The following ABR variants were observed in gnomAD, a reference collection of about 807,000 sequenced individuals.
ABR encodes the protein ABR activator of RhoGEF and GTPase.
ABR carries 35 observed loss-of-function variants against 107.2 expected under a neutral mutation model. The ratio of observed to expected loss-of-function variants is 0.33; its 90% CI spans 0.25 to 0.43. The LOEUF is 0.43. Ranked by LOEUF, ABR falls within the 20% of genes least tolerant of loss-of-function variation. The pLI, the probability that ABR is intolerant of heterozygous loss-of-function variation, is 1.00. For synonymous variants in ABR, 498 were observed against 462.0 expected, an observed-to-expected ratio of 1.08 and a Z score of -1.00; for missense variants, 815 against 1,115.2, an observed-to-expected ratio of 0.73 and a Z score of 3.83.
At chr17:1,018,506 G>A (rs1041091557) in intron 16 of ABR, among the ~76,000 whole-genome samples, 3 of 152,040 alleles carry the variant, frequency 2.0e-5, no homozygotes, top group Admixed American at 6.6e-5. Context: ...CCCCTCCTCC[G>A]CCCCAGCTTC....
Position 1,009,713 on chromosome 17 carries a change from T to A in ABR, c.2308A>T (p.Ile770Phe), listed in dbSNP as rs1462501757. The change falls in exon 21 of 23, where the codon ATC becomes TTC. Residue 770 changes from isoleucine (I) to phenylalanine (F), a missense_variant. Transcript: ENST00000302538. ...LLRSLPDPNL[I>F]TFLFLLEHLK... is the part of the protein sequence containing the mutation. ...TGTTCCAGCAGGAAGAGGAAGGTGA[T>A]GAGGTTGGGGTCGGGCAGGGAGCGG... 1.2e-6 allele frequency: 2 copies of A among 1,613,862 alleles called. No individual in the cohort carries two copies. Among genetic ancestry groups the A allele is most frequent in the African/African-American group, 1.3e-5 (1 of 74,900 alleles).
upstream of ABR, among the ~76,000 whole-genome samples, chr17:1,183,084 G>T (rs1037435045): frequency 1.3e-5 from 2 of 152,162 alleles, no homozygotes; most frequent in African/African-American, 4.8e-5. Flanking sequence ...TTTGCCAAAG[G>T]TGATGCTACC....
chr17:1,213,888 G>T (rs1408916668), intron 1 of ABR, among the ~76,000 whole-genome samples: 1 of 151,872 alleles, frequency 6.6e-6, no homozygotes, highest in East Asian at 1.9e-4. Context: ...ATGTGAAATG[G>T]TTTGTTTTTT....
At chr17:1,086,933 C>T (rs1304226483) in intron 4 of ABR, among the ~76,000 whole-genome samples, 2 of 146,006 alleles carry the variant, frequency 1.4e-5, no homozygotes, top group African/African-American at 5.0e-5. Context: ...ATAGCAAGAC[C>T]TTTTTTTTTT....
intron 1 of ABR, among the ~76,000 whole-genome samples, chr17:1,223,348 C>T (rs10221270): frequency 1.3e-5 from 2 of 151,396 alleles, no homozygotes; most frequent in Non-Finnish European, 2.9e-5. Context: ...TACCCTCCAT[C>T]GTCACTCTAC....
At chr17:1,031,877 C>G (rs1384220438) in intron 16 of ABR, 7 of 1,149,268 alleles carry the variant, frequency 6.1e-6, no homozygotes, top group Non-Finnish European at 6.5e-6. Flanking sequence ...TCCCCGCGCT[C>G]CCCTCCCTCC....
At chr17:1,147,316 G>T (rs2040595117) in intron 1 of ABR, among the ~76,000 whole-genome samples, 1 of 151,808 alleles carries the variant, frequency 6.6e-6, no homozygotes, top group Admixed American at 6.6e-5. Context: ...CAGCTTGCTT[G>T]TGTTAAGTGA....
chr17:1,128,607 C>T (rs1340465874), intron 1 of ABR, among the ~76,000 whole-genome samples: 3 of 152,230 alleles, frequency 2.0e-5, no homozygotes. Context: ...CCACACTGCC[C>T]TTGTTCCTCC....
At chr17:1,094,316 C>A (rs145610597) in intron 3 of ABR, among the ~76,000 whole-genome samples, 2 of 152,038 alleles carry the variant, frequency 1.3e-5, no homozygotes, top group East Asian at 3.9e-4. Flanking sequence ...TACAGCCATG[C>A]GCTACCTACT....
upstream of ABR, among the ~76,000 whole-genome samples, chr17:1,181,442 C>A (rs563055881): frequency 1.1e-4 from 17 of 152,132 alleles, no homozygotes; most frequent in Non-Finnish European, 1.8e-4. Flanking sequence ...CCCGTCCCTG[C>A]GTCCCCAGGG....
intron 1 of ABR, among the ~76,000 whole-genome samples, chr17:1,127,755 C>T (rs2039661618): frequency 6.6e-6 from 1 of 152,110 alleles, no homozygotes; most frequent in Non-Finnish European, 1.5e-5. Context: ...GGAATGGACC[C>T]CACACACTTG....
intron 9 of ABR, among the ~76,000 whole-genome samples, chr17:1,069,045 C>T (rs924969902): frequency 6.6e-6 from 1 of 152,096 alleles, no homozygotes; most frequent in Admixed American, 6.6e-5. Flanking sequence ...CTTAAGTAGA[C>T]GATGGCACAT....
intron 1 of ABR, among the ~76,000 whole-genome samples, chr17:1,227,627 A>T (rs2043246356): frequency 6.8e-6 from 1 of 147,220 alleles, no homozygotes; most frequent in African/African-American, 2.5e-5. Flanking sequence ...TTTTGGAACA[A>T]TCCCAGCATC....
At chr17:1,052,079 A>C (rs1311675959) in intron 14 of ABR, among the ~76,000 whole-genome samples, 1 of 151,742 alleles carries the variant, frequency 6.6e-6, no homozygotes, top group East Asian at 1.9e-4. Flanking sequence ...CTCAAAAAAA[A>C]AAAAACCAAA....
exon 1 of ABR, among the ~76,000 whole-genome samples, chr17:1,229,668 C>T (rs2043300390): frequency 6.6e-6 from 1 of 152,068 alleles, no homozygotes; most frequent in South Asian, 2.1e-4. Context: ...TCCCCGCGGC[C>T]CCCGAAGAGA....
At chr17:1,123,747 CGA>C (rs1468406536) in intron 2 of ABR, among the ~76,000 whole-genome samples, 1 of 152,204 alleles carries the variant, frequency 6.6e-6, no homozygotes, top group Admixed American at 6.5e-5. Context: ...GAGATGGGAG[CGA>C]GAGTCTTCTC....
In ABR at chr17:1,092,274, G is replaced by T. The variant is rs1035994425; in HGVS notation, c.346-424C>A. On this transcript the variant is annotated intron_variant, in intron 3 of 22. Transcript: ENST00000302538. This position sits in a 1 kb window ranked among gnomAD's most constrained non-coding sequence, Gnocchi z 4.6. Reference sequence around the variant, plus strand: ...TGTTTCCTTCCAAGAAACAGAATGTGGTTCTAGGACTCAGAAGGTAGGGAC... The same window carrying T: ...TGTTTCCTTCCAAGAAACAGAATGTTGTTCTAGGACTCAGAAGGTAGGGAC... 1.3e-5 allele frequency among the ~76,000 whole-genome samples: 2 copies of T among 152,186 alleles called. No individual in the cohort carries two copies. Among genetic ancestry groups the T allele is most frequent in the African/African-American group, 4.8e-5 (2 of 41,462 alleles).
chr17:1,012,771 G>A lies in ABR; in HGVS notation c.1878C>T (p.Phe626=), dbSNP rs1356394289. The A allele has an allele frequency of 1.9e-6, 3 of 1,591,196 alleles. No individual in the cohort carries two copies. The highest frequency in any genetic ancestry group is 4.5e-5 in the East Asian group (2 of 44,188). The change falls in exon 18 of 23, where the codon TTC becomes TTT. Residue 626 remains phenylalanine (F), a synonymous_variant. Transcript: ENST00000302538. ...NGIKVEFSMK[F]TSRDMSLKRT... ...TCTTCAGGCTCATATCTCGGCTGGT[G>A]AATTTCATGGAAAATTCCACTTTGA...
chr17:1,028,256 A>AT (rs564733650), intron 16 of ABR, among the ~76,000 whole-genome samples: 3,561 of 141,126 alleles, frequency 0.025, 82 homozygotes, highest in African/African-American at 0.058. Context: ...ATGCCCGGCT[A>AT]TTTTTTTTTT....
Sources: gnomAD v4.1 joint callset for allele counts (sites outside exome capture counted in the v4.1 genomes callset) on GRCh38, gnomAD v4.1.1 for gene constraint, Gnocchi (gnomAD v3.1) non-coding constraint, MANE v1.5 for transcripts, NCBI Gene and HGNC (gene_info 2026-07-23, HGNC 2026-07-21) for gene names.